DIP2C: variants seen among roughly 807,000 people sequenced by gnomAD.
DIP2C encodes the protein DIP2 acetate--CoA ligase C (putative).
DIP2C carries 33 observed loss-of-function variants against 192.4 expected under a neutral mutation model. The ratio of observed to expected loss-of-function variants is 0.17; its 90% CI spans 0.13 to 0.23. DIP2C has a LOEUF of 0.23. Ranked by LOEUF, DIP2C falls within the 10% of genes least tolerant of loss-of-function variation. The pLI, the probability that DIP2C is intolerant of heterozygous loss-of-function variation, is 1.00. For synonymous variants in DIP2C, 979 were observed against 864.1 expected (o/e 1.13, Z -2.33); for missense variants, 1,537 against 2,110.1 (o/e 0.73, Z 5.32).
intron 1 of DIP2C, among the ~76,000 whole-genome samples, chr10:525,260 T>G (rs930415089): frequency 6.6e-6 from 1 of 152,222 alleles, no homozygotes; most frequent in African/African-American, 2.4e-5. Context: ...CGAGATAGAA[T>G]TTGACTTCAG....
chr10:304,902 T>C (rs1956237004), intron 32 of DIP2C, among the ~76,000 whole-genome samples: 1 of 152,190 alleles, frequency 6.6e-6, no homozygotes, highest in East Asian at 1.9e-4. Flanking sequence ...CATACTTGCA[T>C]GTACTCGTGT....
chr10:286,393 G>T (rs770284506), intron 33 of DIP2C, 46 bp from the exon 34 acceptor site: 1 of 1,554,620 alleles, frequency 6.4e-7, no homozygotes, highest in East Asian at 2.2e-5. Flanking sequence ...GGAATACAGG[G>T]AGAGACTACA....
intron 1 of DIP2C, among the ~76,000 whole-genome samples, chr10:498,384 CTCCACACCTGAGTGAA>C (rs1229267407): frequency 1.1e-4 from 17 of 152,190 alleles, no homozygotes; most frequent in African/African-American, 4.1e-4. Context: ...CCCCTTGAAT[CTCCACACCTGAGTGAA>C]CTAATTCCAC....
At chr10:488,753 C>T (rs983468512) in intron 1 of DIP2C, among the ~76,000 whole-genome samples, 9 of 152,304 alleles carry the variant, frequency 5.9e-5, no homozygotes, top group East Asian at 1.9e-4. Flanking sequence ...CTGTAGCTTG[C>T]GTGATGTCGT....
intron 32 of DIP2C, among the ~76,000 whole-genome samples, chr10:292,408 T>C (rs922008916): frequency 5.9e-5 from 9 of 152,384 alleles, no homozygotes; most frequent in South Asian, 4.1e-4. Context: ...GGGAATAAAC[T>C]GTCTTTTCAT....
At chr10:680,972 T>A (rs771790591) in intron 1 of DIP2C, among the ~76,000 whole-genome samples, 1 of 150,370 alleles carries the variant, frequency 6.7e-6, no homozygotes, top group Non-Finnish European at 1.5e-5. Flanking sequence ...CCCAGTTGCA[T>A]GGTGCAGCCA....
chr10:505,078 A>C (rs1000743576), intron 1 of DIP2C, among the ~76,000 whole-genome samples: 1 of 152,174 alleles, frequency 6.6e-6, no homozygotes, highest in African/African-American at 2.4e-5. Context: ...GTCCACACCC[A>C]TATTACTGCA....
intron 1 of DIP2C, among the ~76,000 whole-genome samples, chr10:605,101 A>AG (rs1303141766): frequency 3.9e-5 from 6 of 152,252 alleles, no homozygotes; most frequent in Admixed American, 2.6e-4. Context: ...CCTGAGGTCC[A>AG]GGGTCGGCTC....
intron 1 of DIP2C, among the ~76,000 whole-genome samples, chr10:679,390 C>T (rs1265802069): frequency 2.4e-5 from 1 of 40,902 alleles, no homozygotes; most frequent in Non-Finnish European, 5.2e-5. Context: ...CCGTCCTCCC[C>T]GCGCCCATGC....
chr10:411,065 G>A (rs943921350), intron 8 of DIP2C, among the ~76,000 whole-genome samples: 11 of 152,348 alleles, frequency 7.2e-5, no homozygotes, highest in African/African-American at 2.2e-4. Context: ...CCGGGAAGGA[G>A]GCGGGAGCTT....
intron 4 of DIP2C, among the ~76,000 whole-genome samples, chr10:425,101 CGG>C (rs1966494876): frequency 3.3e-5 from 1 of 30,044 alleles, no homozygotes. Flanking sequence ...TAATATGACA[CGG>C]ATGATACAGC....
chr10:422,740 C>A, intron 5 of DIP2C, 84 bp downstream of exon 5: 1 of 1,479,604 alleles, frequency 6.8e-7, no homozygotes, highest in Non-Finnish European at 9.1e-7. Context: ...CGAGGGATTC[C>A]GCTGCAACGA....
intron 1 of DIP2C, among the ~76,000 whole-genome samples, chr10:613,287 G>A (rs1853225117): frequency 6.6e-6 from 1 of 152,222 alleles, no homozygotes; most frequent in Non-Finnish European, 1.5e-5. Flanking sequence ...CAGGTCCTCG[G>A]CCTCCGCCTC....
chr10:542,976 T>C (rs1848088736), intron 1 of DIP2C, among the ~76,000 whole-genome samples: 1 of 152,220 alleles, frequency 6.6e-6, no homozygotes, highest in Non-Finnish European at 1.5e-5. Context: ...TTCTGCCACA[T>C]GCAGTCATCC....
At chr10:448,084 A>G (rs1255069129) in intron 3 of DIP2C, among the ~76,000 whole-genome samples, 8 of 130,882 alleles carry the variant, frequency 6.1e-5, no homozygotes, top group Non-Finnish European at 1.1e-4. Flanking sequence ...TATACTCAGG[A>G]TCACACACAG....
At chr10:471,065 A>G (rs1288563880) in intron 3 of DIP2C, among the ~76,000 whole-genome samples, 2 of 152,164 alleles carry the variant, frequency 1.3e-5, no homozygotes, top group African/African-American at 2.4e-5. Flanking sequence ...AGAAGGTCTC[A>G]ATATGTGTCG....
intron 1 of DIP2C, among the ~76,000 whole-genome samples, chr10:688,463 T>C (rs1462846473): frequency 6.6e-6 from 1 of 152,148 alleles, no homozygotes; most frequent in Non-Finnish European, 1.5e-5. Context: ...TTGGCACGAA[T>C]GAGTTTACTT....
At chr10:672,427 C>T (rs898484547) in intron 1 of DIP2C, among the ~76,000 whole-genome samples, 1 of 152,242 alleles carries the variant, frequency 6.6e-6, no homozygotes, top group African/African-American at 2.4e-5. Context: ...GACTCCCCGC[C>T]CCAGAGCACC....
At chr10:558,112 C>G (rs1849007224) in intron 1 of DIP2C, among the ~76,000 whole-genome samples, 1 of 152,172 alleles carries the variant, frequency 6.6e-6, no homozygotes, top group Non-Finnish European at 1.5e-5. Context: ...ATATGACATT[C>G]TATAAATTGG....
Sources: gnomAD v4.1 joint callset for allele counts (sites outside exome capture counted in the v4.1 genomes callset) on GRCh38, gnomAD v4.1.1 for gene constraint, MANE v1.5 for transcripts, NCBI Gene and HGNC (gene_info 2026-07-23, HGNC 2026-07-21) for gene names.